Variants in FAM187A observed in about 807,000 individuals in gnomAD.
The protein encoded by FAM187A is Ig-like V-type domain-containing protein FAM187A.
FAM187A carries 4 observed loss-of-function variants against 6.4 expected under a neutral mutation model. The ratio of observed to expected loss-of-function variants is 0.63; its 90% CI spans 0.31 to 1.44. The LOEUF is 1.44. Among genes scored for constraint, FAM187A ranks in the 40% most tolerant of loss-of-function variants. The pLI is 0.07. For synonymous variants in FAM187A, 221 were observed against 213.4 expected (o/e 1.04, Z -0.31); for missense variants, 463 against 542.2 (o/e 0.85, Z 1.45).
At chr17:44,903,992 T>C in exon 4 of FAM187A, 10 of 1,550,632 alleles carry the variant, frequency 6.4e-6, no homozygotes, top group Non-Finnish European at 8.7e-6. Context: ...TCCCTGTCAC[T>C]GCAAACCCGA....
At chr17:44,905,389 T>G (rs2051639883) in exon 4 of FAM187A, 1 of 280,192 alleles carries the variant, frequency 3.6e-6, no homozygotes, top group Admixed American at 4.9e-5. Flanking sequence ...TGTTGAATCA[T>G]GTTTGAGCTG....
At chr17:44,903,926 C>T (rs1041469281) in exon 4 of FAM187A, 48 of 1,550,430 alleles carry the variant, frequency 3.1e-5, no homozygotes, top group African/African-American at 5.5e-5. Context: ...GACCCCCTGC[C>T]CTGCTTTCCT....
exon 4 of FAM187A, chr17:44,904,195 G>A (rs1231338244): frequency 9.7e-6 from 15 of 1,550,462 alleles, no homozygotes; most frequent in East Asian, 2.4e-5. Context: ...ACTCAGGCCT[G>A]TACTTCTGCG....
exon 4 of FAM187A, chr17:44,905,373 G>A: frequency 2.7e-6 from 1 of 366,834 alleles, no homozygotes; most frequent in South Asian, 3.9e-5. Flanking sequence ...GGTAAACACT[G>A]ATCAGTGTTG....
exon 4 of FAM187A, chr17:44,904,147 C>T: frequency 1.3e-6 from 2 of 1,550,380 alleles, no homozygotes; most frequent in South Asian, 2.4e-5. Flanking sequence ...TCAGCATCCG[C>T]ATGTTCAGCT....
chr17:44,904,009 G>A (rs1229710679), exon 4 of FAM187A: 1 of 1,550,652 alleles, frequency 6.4e-7, no homozygotes, highest in East Asian at 2.4e-5. Context: ...CCGAAGAGGT[G>A]CCAGCTGTAG....
exon 4 of FAM187A, chr17:44,904,899 T>G: frequency 1.3e-6 from 2 of 1,550,604 alleles, no homozygotes; most frequent in Non-Finnish European, 1.7e-6. Context: ...GGCTTCCGGC[T>G]GGGTGTGACA....
chr17:44,904,162 G>T, exon 4 of FAM187A: 1 of 1,550,346 alleles, frequency 6.5e-7, no homozygotes, highest in Non-Finnish European at 8.7e-7. Flanking sequence ...TCAGCTTGTT[G>T]GTTTTCAGGG....
Sources: allele counts gnomAD v4.1 joint callset, GRCh38; gene constraint gnomAD v4.1.1; transcripts MANE v1.5; gene names NCBI Gene and HGNC (gene_info 2026-07-23, HGNC 2026-07-21).